Variants in RIMS1 observed in about 807,000 individuals in gnomAD.
RIMS1 encodes regulating synaptic membrane exocytosis 1, also known as regulating synaptic membrane exocytosis protein 1.
Under a neutral mutation model 214.1 loss-of-function variants are expected in RIMS1, and 83 were observed. The observed-to-expected ratio is 0.39, with a 90% CI of 0.32 to 0.47. RIMS1 has a LOEUF of 0.47. Ranked by LOEUF, RIMS1 falls within the 20% of genes least tolerant of loss-of-function variation. RIMS1 has a pLI of 0.99. For synonymous variants in RIMS1, 793 were observed against 786.8 expected, an observed-to-expected ratio of 1.01 and a Z score of -0.13; for missense variants, 2,050 against 2,161.8, an observed-to-expected ratio of 0.95 and a Z score of 1.03.
chr6:72,000,408 A>G (rs1804798880), intron 2 of RIMS1, among the ~76,000 whole-genome samples: 1 of 152,180 alleles, frequency 6.6e-6, no homozygotes, highest in African/African-American at 2.4e-5. Flanking sequence ...AAAATAAATG[A>G]CTAATAAGTT....
chr6:72,018,386 TTA>T (rs775132836), intron 2 of RIMS1, among the ~76,000 whole-genome samples: 2 of 152,108 alleles, frequency 1.3e-5, no homozygotes, highest in African/African-American at 2.4e-5. Flanking sequence ...AGAAATGGAT[TTA>T]TGTGTTTGTG....
chr6:71,927,375 G>A (rs1335292608), intron 1 of RIMS1, among the ~76,000 whole-genome samples: 1 of 152,076 alleles, frequency 6.6e-6, no homozygotes, highest in African/African-American at 2.4e-5. Flanking sequence ...ACAGTTAACT[G>A]CATAACATAA....
chr6:72,155,181 A>G (rs1270808125), intron 4 of RIMS1, among the ~76,000 whole-genome samples: 1 of 140,724 alleles, frequency 7.1e-6, no homozygotes, highest in Non-Finnish European at 1.6e-5. Context: ...AAGTCCTCTA[A>G]CATGCCCTGG....
chr6:72,177,749 CCA>C (rs1180786246), intron 4 of RIMS1, among the ~76,000 whole-genome samples: 1 of 152,154 alleles, frequency 6.6e-6, no homozygotes, highest in African/African-American at 2.4e-5. Flanking sequence ...AACCTTCCCA[CCA>C]CACACGTCCT....
chr6:72,033,357 C>T (rs995869277), intron 2 of RIMS1, among the ~76,000 whole-genome samples: 2 of 152,218 alleles, frequency 1.3e-5, no homozygotes, highest in African/African-American at 4.8e-5. Flanking sequence ...ATTGCTTGCC[C>T]TACCCTGGGC....
chr6:72,222,890 T>C (rs1203715336), intron 6 of RIMS1, among the ~76,000 whole-genome samples: 1 of 152,212 alleles, frequency 6.6e-6, no homozygotes, highest in African/African-American at 2.4e-5. Context: ...CTTAACACAA[T>C]TATGTTCATA....
At chr6:71,926,417 G>A (rs183528481) in intron 1 of RIMS1, among the ~76,000 whole-genome samples, 1 of 152,166 alleles carries the variant, frequency 6.6e-6, no homozygotes, top group Non-Finnish European at 1.5e-5. Context: ...TCCATCTCAG[G>A]TCACATTAAT....
chr6:71,886,933 CTG>C lies in RIMS1; in HGVS notation c.-88_-87del. The C allele has an allele frequency of 6.8e-7, 1 of 1,468,336 alleles. No individual in the cohort carries two copies. The allele number at this position is 1,468,336 out of a possible 1,614,324, so 91.0% of individuals were successfully genotyped here. ...TCCTGCCGCCGCCGCTAGGGCTCCGCTGTGAGGGGGAAGCAGGGGCGCAGCTG... is the reference window on the plus strand; with the variant it reads ...TCCTGCCGCCGCCGCTAGGGCTCCGCTGAGGGGGAAGCAGGGGCGCAGCTG... On this transcript the variant is annotated 5_prime_UTR_variant, in exon 1 of 34. An upstream open reading frame in the 5' UTR loses its in-frame stop. Transcript: ENST00000521978.
At chr6:72,171,457 C>A (rs1186305617) in intron 4 of RIMS1, among the ~76,000 whole-genome samples, 2 of 151,578 alleles carry the variant, frequency 1.3e-5, no homozygotes, top group Admixed American at 6.6e-5. Flanking sequence ...AATCTGATAG[C>A]CCCCCCGAAC....
intron 4 of RIMS1, among the ~76,000 whole-genome samples, chr6:72,121,463 T>TAACTTTCTGTCTC (rs2038288956): frequency 6.6e-6 from 1 of 151,914 alleles, no homozygotes; most frequent in African/African-American, 2.4e-5. Context: ...TGTCTGTTGT[T>TAACTTTCTGTCTC]GGTGTATAGG....
At chr6:72,183,280 G>A (rs919899819) in intron 6 of RIMS1, 131 bp downstream of exon 6, 28 of 765,018 alleles carry the variant, frequency 3.7e-5, no homozygotes, top group Non-Finnish European at 5.6e-5. Flanking sequence ...TAGCGTTACC[G>A]CCAGTGGAAG....
chr6:72,011,923 A>G (rs1053139720), intron 2 of RIMS1, among the ~76,000 whole-genome samples: 2 of 152,170 alleles, frequency 1.3e-5, no homozygotes, highest in South Asian at 2.1e-4. Context: ...TCAGTGTGGC[A>G]ATTCCTCAGG....
intron 2 of RIMS1, among the ~76,000 whole-genome samples, chr6:72,038,120 T>A (rs897935044): frequency 7.2e-3 from 300 of 41,914 alleles, no homozygotes; most frequent in African/African-American, 0.012. Context: ...AAAAAAAAAA[T>A]ATATATATAT....
At chr6:72,085,502 G>A (rs1170949173) in intron 2 of RIMS1, among the ~76,000 whole-genome samples, 3 of 152,178 alleles carry the variant, frequency 2.0e-5, no homozygotes, top group Non-Finnish European at 4.4e-5. Context: ...TTTTCAGAGG[G>A]GTAGTGCCCC....
chr6:72,263,430 G>C (rs1425621214), intron 19 of RIMS1: 1 of 976,444 alleles, frequency 1.0e-6, no homozygotes, highest in African/African-American at 1.8e-5. Context: ...AACAGGCTTG[G>C]AGACTTAATC....
At chr6:71,987,939 T>C (rs1220656347) in intron 2 of RIMS1, among the ~76,000 whole-genome samples, 1 of 152,146 alleles carries the variant, frequency 6.6e-6, no homozygotes, top group African/African-American at 2.4e-5. Flanking sequence ...CATTTGCATT[T>C]GAACAGTGAG....
intron 1 of RIMS1, among the ~76,000 whole-genome samples, chr6:71,895,501 C>T (rs61088048): frequency 1.5e-3 from 223 of 151,652 alleles, no homozygotes; most frequent in African/African-American, 5.2e-3. Context: ...ATGGCGAAAC[C>T]CCATCTCTAC....
At chr6:72,263,430 G>T (rs1425621214) in intron 19 of RIMS1, 1 of 976,444 alleles carries the variant, frequency 1.0e-6, no homozygotes, top group African/African-American at 1.8e-5. Context: ...AACAGGCTTG[G>T]AGACTTAATC....
At chr6:72,360,340 C>A (rs1301378738) in intron 29 of RIMS1, among the ~76,000 whole-genome samples, 1 of 152,136 alleles carries the variant, frequency 6.6e-6, no homozygotes, top group Non-Finnish European at 1.5e-5. Context: ...TATCACATAC[C>A]TTCTGACCAG....
Sources: gnomAD v4.1 joint callset for allele counts (sites outside exome capture counted in the v4.1 genomes callset) on GRCh38, gnomAD v4.1.1 for gene constraint, MANE v1.5 for transcripts, NCBI Gene and HGNC (gene_info 2026-07-23, HGNC 2026-07-21) for gene names.